Variants in CGNL1 observed in about 807,000 individuals in gnomAD.
CGNL1 encodes cingulin-like protein 1.
A neutral mutation model predicts 141.2 loss-of-function variants in CGNL1; 132 were observed. The observed-to-expected ratio is 0.93, with a 90% CI of 0.81 to 1.08. The LOEUF (loss-of-function observed/expected upper bound fraction) is 1.08, where lower values mean the gene tolerates loss of function less well. Ranked by LOEUF, CGNL1 falls within the 50% of genes least tolerant of loss-of-function variation. CGNL1 has a pLI of 0.00. For synonymous variants in CGNL1, 690 were observed against 622.1 expected (o/e 1.11, Z -1.63); for missense variants, 1,870 against 1,588.6 (o/e 1.18, Z -3.01).
At chr15:57,457,402 C>T (rs72739725) in intron 7 of CGNL1, among the ~76,000 whole-genome samples, 7,427 of 152,298 alleles carry the variant, frequency 0.049, 236 homozygotes, top group Middle Eastern at 0.092. Context: ...TCTCCTTCTA[C>T]CTGTCTCTTC....
chr15:57,540,843 C>G (rs1353380756), intron 14 of CGNL1, among the ~76,000 whole-genome samples: 1 of 152,226 alleles, frequency 6.6e-6, no homozygotes, highest in Non-Finnish European at 1.5e-5. Flanking sequence ...GCGAACAAAC[C>G]CATCCTATCG....
intron 1 of CGNL1, among the ~76,000 whole-genome samples, chr15:57,404,273 T>A (rs1466818287): frequency 6.6e-6 from 1 of 152,054 alleles, no homozygotes; most frequent in Non-Finnish European, 1.5e-5. Flanking sequence ...GGCAAATTTT[T>A]CCCCCTCTTT....
intron 1 of CGNL1, among the ~76,000 whole-genome samples, chr15:57,422,119 C>CAAAAA (rs1170967704): frequency 6.6e-6 from 1 of 151,406 alleles, no homozygotes; most frequent in East Asian, 1.9e-4. Flanking sequence ...AAAACAAAAA[C>CAAAAA]AAAAAACCCT....
At chr15:57,478,362 C>T (rs1215894936) in intron 8 of CGNL1, 1 of 152,294 alleles carries the variant, frequency 6.6e-6, no homozygotes, top group Non-Finnish European at 1.5e-5. Context: ...TTTAAATTCA[C>T]AGCTTTTGTT....
At chr15:57,547,266 G>A in intron 18 of CGNL1, 89 bp from the exon 19 acceptor site, 1 of 1,460,638 alleles carries the variant, frequency 6.8e-7, no homozygotes, top group Non-Finnish European at 9.4e-7. Flanking sequence ...GGGGTGCAGG[G>A]ACAGCAACCC....
intron 13 of CGNL1, among the ~76,000 whole-genome samples, chr15:57,530,732 A>G (rs182590266): frequency 3.6e-4 from 55 of 152,242 alleles, no homozygotes; most frequent in Non-Finnish European, 5.9e-4. Context: ...TTTGATCACT[A>G]CCTGGGGGCC....
intron 14 of CGNL1, among the ~76,000 whole-genome samples, chr15:57,534,042 C>T (rs1190685264): frequency 3.9e-5 from 6 of 152,206 alleles, no homozygotes; most frequent in African/African-American, 1.2e-4. Flanking sequence ...GTCATTGATC[C>T]AGGTGATCTC....
intron 1 of CGNL1, among the ~76,000 whole-genome samples, chr15:57,425,977 C>T (rs868357281): frequency 2.0e-5 from 3 of 151,786 alleles, no homozygotes; most frequent in African/African-American, 7.3e-5. Flanking sequence ...AGTAGATGGC[C>T]TTTACTCACC....
intron 1 of CGNL1, among the ~76,000 whole-genome samples, chr15:57,426,113 G>A (rs1442578029): frequency 3.3e-5 from 5 of 151,752 alleles, no homozygotes; most frequent in Non-Finnish European, 5.9e-5. Context: ...AAGGGATTCT[G>A]CACTTAAGAA....
chr15:57,499,991 T>C (rs1414018690), intron 8 of CGNL1, among the ~76,000 whole-genome samples: 2 of 151,874 alleles, frequency 1.3e-5, no homozygotes, highest in Non-Finnish European at 2.9e-5. Context: ...GGAAGTACCA[T>C]CTTGGCTAGG....
intron 18 of CGNL1, among the ~76,000 whole-genome samples, chr15:57,546,696 G>A (rs2032886785): frequency 6.6e-6 from 1 of 152,176 alleles, no homozygotes; most frequent in Non-Finnish European, 1.5e-5. Flanking sequence ...TGGTCCTAAG[G>A]ATGGGGACGT....
At chr15:57,441,055 T>C (rs1384794730) in intron 3 of CGNL1, among the ~76,000 whole-genome samples, 4 of 121,344 alleles carry the variant, frequency 3.3e-5, no homozygotes, top group African/African-American at 1.3e-4. Context: ...TCTCAACAGA[T>C]GTGATTAAGA....
intron 8 of CGNL1, among the ~76,000 whole-genome samples, chr15:57,498,331 C>G (rs1057454132): frequency 1.4e-5 from 2 of 138,196 alleles, no homozygotes; most frequent in Non-Finnish European, 3.1e-5. Context: ...CTCACTGCAG[C>G]CTCAATCTCC....
intron 4 of CGNL1, 86 bp downstream of exon 4, chr15:57,442,564 T>C: frequency 1.2e-6 from 1 of 806,766 alleles, no homozygotes; most frequent in Non-Finnish European, 2.1e-6. Context: ...GTATGTTTGT[T>C]TATAGCAGTA....
intron 1 of CGNL1, among the ~76,000 whole-genome samples, chr15:57,425,313 A>G (rs1368885841): frequency 2.0e-5 from 3 of 152,196 alleles, no homozygotes; most frequent in African/African-American, 7.2e-5. Context: ...GCAGTGAGCT[A>G]TGATCTCACC....
chr15:57,510,527 T>G (rs4545749), intron 8 of CGNL1, among the ~76,000 whole-genome samples: 24,832 of 151,880 alleles, frequency 0.16, 2,464 homozygotes, highest in East Asian at 0.47. Context: ...AGGAGGAGAG[T>G]GCTTGGCAAA....
rs894066001 is a variant in CGNL1 at position 57,501,355 on chromosome 15, C to G, written c.2404-15425C>G. Among the ~76,000 whole-genome samples, 3 of 152,264 alleles carry G rather than the reference C, an allele frequency of 2.0e-5. No homozygotes were observed. The East Asian group carries it at 5.8e-4, about 29-fold the overall frequency. ...AGCAGTGCCTCCCTCAGCGGGAAGC[C>G]GAAGAGAATTCAGTGAGATGACTCA... On this transcript the variant is annotated intron_variant, in intron 8 of 18. Transcript: ENST00000281282.
At chr15:57,414,166 A>G (rs2062823564) in intron 1 of CGNL1, among the ~76,000 whole-genome samples, 1 of 152,176 alleles carries the variant, frequency 6.6e-6, no homozygotes, top group Non-Finnish European at 1.5e-5. Context: ...CATGGAGCTG[A>G]TAGCAGCATC....
intron 10 of CGNL1, among the ~76,000 whole-genome samples, chr15:57,523,082 A>G (rs1410872926): frequency 6.6e-6 from 1 of 152,226 alleles, no homozygotes; most frequent in Non-Finnish European, 1.5e-5. Flanking sequence ...ATACTGGAAC[A>G]TTAGGTGTGA....
Sources: allele counts gnomAD v4.1 joint callset (sites outside exome capture counted in the v4.1 genomes callset), GRCh38; gene constraint gnomAD v4.1.1; transcripts MANE v1.5; gene names NCBI Gene and HGNC (gene_info 2026-07-23, HGNC 2026-07-21).